The following CS variants were observed in gnomAD, a reference collection of about 807,000 sequenced individuals.
The protein encoded by CS is citrate synthase, mitochondrial.
CS carries 13 observed loss-of-function variants against 61.4 expected under a neutral mutation model. That is an observed-to-expected ratio of 0.21 (90% CI 0.14 to 0.34). The LOEUF is 0.34. CS is among the 10% of genes least tolerant of loss of function. The pLI is 1.00. For missense variants in CS, 278 were observed against 573.4 expected, an observed-to-expected ratio of 0.48 and a Z score of 5.26; for synonymous variants, 159 against 215.2, an observed-to-expected ratio of 0.74 and a Z score of 2.29.
chr12:56,275,390 T>C, intron 7 of CS: 2 of 385,968 alleles, frequency 5.2e-6, no homozygotes, highest in Non-Finnish European at 9.7e-6. Flanking sequence ...CTGGCCAACA[T>C]GGTGAAACCC....
At chr12:56,291,356 T>TC (rs1873120687) in intron 1 of CS, 2 of 859,844 alleles carry the variant, frequency 2.3e-6, no homozygotes, top group Middle Eastern at 6.1e-4. Context: ...TTTCTTTCTT[T>TC]TTTTTTTTTA....
intron 1 of CS, among the ~76,000 whole-genome samples, chr12:56,297,322 C>T (rs998361199): frequency 6.6e-6 from 1 of 152,148 alleles, no homozygotes; most frequent in East Asian, 1.9e-4. Flanking sequence ...AATACTAAGG[C>T]CATTGCTTAG....
intron 9 of CS, 121 bp from the exon 10 acceptor site, chr12:56,273,917 T>TGAGCCTGGGAGGTCGAGGCTG: frequency 1.3e-6 from 1 of 798,662 alleles, no homozygotes; most frequent in Non-Finnish European, 2.1e-6. Flanking sequence ...CACGGCAGCC[T>TGAGCCTGGGAGGTCGAGGCTG]CGACCTCCCA....
chr12:56,274,557 GGCCTCAAGCAATCCTCTT>G (rs1872585315), intron 9 of CS: 1 of 465,526 alleles, frequency 2.1e-6, no homozygotes, highest in East Asian at 3.8e-5. Context: ...TTAAACTCCT[GGCCTCAAGCAATCCTCTT>G]GCCTCAGCCT....
intron 1 of CS, among the ~76,000 whole-genome samples, chr12:56,299,508 C>T (rs940536165): frequency 6.6e-6 from 1 of 152,132 alleles, no homozygotes; most frequent in Non-Finnish European, 1.5e-5. Flanking sequence ...GTTCTTTCTG[C>T]AATCATGTAT....
intron 1 of CS, 141 bp downstream of exon 1, chr12:56,300,019 G>A (rs1453023177): frequency 6.7e-6 from 5 of 746,910 alleles, no homozygotes; most frequent in South Asian, 1.9e-5. Context: ...GCTTCACGCA[G>A]GGCTGGCGGC....
intron 1 of CS, among the ~76,000 whole-genome samples, chr12:56,292,265 G>A (rs1052620107): frequency 4.6e-5 from 7 of 151,778 alleles, no homozygotes; most frequent in African/African-American, 1.7e-4. Flanking sequence ...AGGTGTGGTG[G>A]CAGGTGCCTG....
intron 10 of CS, 86 bp downstream of exon 10, chr12:56,273,501 G>A (rs1872560734): frequency 5.2e-6 from 7 of 1,345,336 alleles, no homozygotes; most frequent in Non-Finnish European, 6.3e-6. Flanking sequence ...TCCCTGCTCT[G>A]ACTAGGAGTT....
At chr12:56,296,890 A>G (rs975383549) in intron 1 of CS, among the ~76,000 whole-genome samples, 4 of 152,206 alleles carry the variant, frequency 2.6e-5, no homozygotes, top group African/African-American at 7.2e-5. Flanking sequence ...GCACAGAGAT[A>G]TGAGCCCTTA....
intron 7 of CS, chr12:56,275,743 C>G (rs1225174423): frequency 1.9e-6 from 1 of 528,258 alleles, no homozygotes; most frequent in Non-Finnish European, 3.4e-6. Context: ...GAAGGACCAT[C>G]TAATGTGAGC....
At chr12:56,299,688 G>C (rs1450703350) in intron 1 of CS, 1 of 155,366 alleles carries the variant, frequency 6.4e-6, no homozygotes, top group African/African-American at 2.4e-5. Context: ...GAAACAGGCA[G>C]TTCGGGAACT....
At chr12:56,290,829 T>C (rs536103101) in intron 1 of CS, among the ~76,000 whole-genome samples, 92 of 152,330 alleles carry the variant, frequency 6.0e-4, no homozygotes, top group East Asian at 2.1e-3. Flanking sequence ...CTTAAACTAC[T>C]TAACTCAGAG....
intron 9 of CS, chr12:56,274,570 C>A (rs1340672163): frequency 4.1e-6 from 2 of 488,226 alleles, no homozygotes; most frequent in Non-Finnish European, 7.2e-6. Flanking sequence ...CTCAAGCAAT[C>A]CTCTTGCCTC....
chr12:56,273,694 TA>T lies in CS; in HGVS notation c.1122del (p.Phe374LeufsTer16). On this transcript the variant is annotated frameshift_variant, in exon 10 of 11. Coordinates refer to ENST00000351328, the MANE Select transcript of CS (RefSeq NM_004077.3). LOFTEE classifies it high-confidence loss of function. ...ALKHLPNDPMFKLVAQLYKIV... is the reference protein window; with the variant it reads ...ALKHLPNDPMXKLVAQLYKIV... ...ATCTTGTACAGCTGAGCAACCAACT[TA>T]AACATGGGGTCATTAGGCAGGTGTT... 6.2e-7 allele frequency: 1 copy of T among 1,614,122 alleles called. No individual in the cohort carries two copies. The highest frequency in any genetic ancestry group is 8.5e-7 in the Non-Finnish European group (1 of 1,180,024).
At chr12:56,278,963 T>A (rs1872699131) in intron 6 of CS, among the ~76,000 whole-genome samples, 1 of 151,898 alleles carries the variant, frequency 6.6e-6, no homozygotes, top group Non-Finnish European at 1.5e-5. Flanking sequence ...TTTGTAGAGA[T>A]GGGGTTTCGC....
intron 6 of CS, among the ~76,000 whole-genome samples, 179 bp from the exon 7 acceptor site, chr12:56,276,374 C>G (rs968441525): frequency 7.2e-5 from 11 of 152,260 alleles, no homozygotes; most frequent in Middle Eastern, 3.4e-3. Flanking sequence ...AACCATTTCA[C>G]TGAATAACTA....
intron 6 of CS, among the ~76,000 whole-genome samples, chr12:56,277,199 G>T (rs1872644890): frequency 1.4e-5 from 1 of 70,838 alleles, no homozygotes; most frequent in Non-Finnish European, 3.6e-5. Flanking sequence ...GCGAGACTCT[G>T]TCTAAAAAAA....
Position 56,275,987 on chromosome 12 carries a change from C to G in CS, c.788+9G>C. Reference sequence around the variant, plus strand: ...CACCTAGTGGCTGTGGTTGCTGGGTCTAGCTTACCTGTGGATGGTGAGGTA... The same window carrying G: ...CACCTAGTGGCTGTGGTTGCTGGGTGTAGCTTACCTGTGGATGGTGAGGTA... On this transcript the variant is annotated intron_variant, in intron 7 of 10. Coordinates refer to ENST00000351328, the MANE Select transcript of CS (RefSeq NM_004077.3). The G allele has an allele frequency of 6.2e-7, 1 of 1,613,900 alleles. No individual in the cohort carries two copies. The highest frequency in any genetic ancestry group is 8.5e-7 in the Non-Finnish European group (1 of 1,179,848).
rs2135909535 is a variant in CS, at chr12:56,274,897, G to A, written c.919-19C>T. On this transcript the variant is annotated intron_variant, in intron 8 of 10. Transcript: ENST00000351328. ...GCACTTCCTATGGGTAAGGTTTGGG[G>A]AAAAAGGGAATGTTAATACATATGC... The A allele has an allele frequency of 6.2e-7, 1 of 1,603,812 alleles. No individual in the cohort carries two copies. The highest frequency in any genetic ancestry group is 2.2e-5 in the East Asian group (1 of 44,796).
Sources: allele counts gnomAD v4.1 joint callset (sites outside exome capture counted in the v4.1 genomes callset), GRCh38; gene constraint gnomAD v4.1.1; transcripts MANE v1.5; gene names NCBI Gene and HGNC (gene_info 2026-07-23, HGNC 2026-07-21).